Variants in SENP7 observed in about 807,000 individuals in gnomAD.
SENP7 encodes the protein SUMO specific peptidase 7.
In SENP7, 64 loss-of-function variants were observed where a neutral mutation model predicts 141.2. The ratio of observed to expected loss-of-function variants is 0.45; its 90% CI spans 0.37 to 0.56. The LOEUF (loss-of-function observed/expected upper bound fraction) is 0.56. SENP7 is among the 20% of genes least tolerant of loss of function. SENP7 has a pLI of 0.00. For missense variants in SENP7, 1,025 were observed against 1,212.2 expected, an observed-to-expected ratio of 0.85 and a Z score of 2.29; for synonymous variants, 382 against 426.4, an observed-to-expected ratio of 0.90 and a Z score of 1.28.
rs1366716534 is a variant in SENP7 at position 101,494,103 on chromosome 3, TTA to T, written c.91-137_91-136del. ...AGGAGTTTTAAATTCAGTGCTTAATTTATATACAATTAAATATAATTTTATTC... is the reference window on the plus strand; with the variant it reads ...AGGAGTTTTAAATTCAGTGCTTAATTTATACAATTAAATATAATTTTATTC... On this transcript the variant is annotated intron_variant, in intron 2 of 23. Transcript: ENST00000394095. 89 of 433,636 alleles carry T rather than the reference TTA, an allele frequency of 2.1e-4. 1 individual carries two copies. The highest frequency in any genetic ancestry group is 4.5e-5 in the Non-Finnish European group (11 of 242,032). 26.9% of individuals were successfully genotyped at this position (433,636 alleles called of 1,614,324 possible). A position where few individuals can be genotyped will look rare whatever the true frequency, so the allele number is the denominator to read the frequency against.
chr3:101,356,667 C>T (rs1678440986), intron 11 of SENP7, among the ~76,000 whole-genome samples: 1 of 151,934 alleles, frequency 6.6e-6, no homozygotes, highest in African/African-American at 2.4e-5. Flanking sequence ...TTCATATTTA[C>T]TGCATCGGCA....
intron 6 of SENP7, among the ~76,000 whole-genome samples, chr3:101,387,315 C>G (rs2060685991): frequency 6.6e-6 from 1 of 152,154 alleles, no homozygotes; most frequent in African/African-American, 2.4e-5. Flanking sequence ...GCCTACCCCA[C>G]CCACCAACAT....
chr3:101,387,356 A>C (rs1485850963), intron 6 of SENP7, among the ~76,000 whole-genome samples: 1 of 152,028 alleles, frequency 6.6e-6, no homozygotes, highest in Admixed American at 6.5e-5. Context: ...CTGGGGCCTG[A>C]AAACAGGCCC....
intron 3 of SENP7, among the ~76,000 whole-genome samples, chr3:101,468,821 G>A (rs188765042): frequency 1.9e-3 from 293 of 152,086 alleles, no homozygotes; most frequent in Middle Eastern, 6.8e-3. Context: ...AATAACCAGC[G>A]AACATCATAA....
chr3:101,343,859 T>C lies in SENP7; in HGVS notation c.1933A>G (p.Ile645Val). The C allele has an allele frequency of 6.2e-7, 1 of 1,613,658 alleles. No homozygotes were observed. The highest frequency in any genetic ancestry group is 1.1e-5 in the South Asian group (1 of 91,068). Residue 645 changes from isoleucine to valine, a missense_variant, in exon 14 of 24, where the codon ATC (isoleucine) becomes GTC (valine). Coordinates refer to ENST00000394095, the MANE Select transcript of SENP7 (RefSeq NM_020654.5). ...TAAGAAAGCTCTAATTCTCCACTGA[T>C]TATACTTATTTCCGTCATAATATCT... ...LKDIMTEISIISGELELSYPL... is the reference protein window; with the variant it reads ...LKDIMTEISIVSGELELSYPL...
At chr3:101,495,227 T>C (rs2108119401) in intron 2 of SENP7, among the ~76,000 whole-genome samples, 1 of 151,900 alleles carries the variant, frequency 6.6e-6, no homozygotes, top group South Asian at 2.1e-4. Flanking sequence ...TCAGAATGGC[T>C]ATTATTAAAA....
At chr3:101,356,343 A>G (rs1212380653) in intron 11 of SENP7, among the ~76,000 whole-genome samples, 1 of 152,202 alleles carries the variant, frequency 6.6e-6, no homozygotes, top group Admixed American at 6.5e-5. Flanking sequence ...TGCAGCAACA[A>G]TTGATCATAT....
intron 17 of SENP7, among the ~76,000 whole-genome samples, chr3:101,334,807 A>T (rs867128445): frequency 5.9e-5 from 9 of 152,312 alleles, no homozygotes; most frequent in Middle Eastern, 6.8e-3. Context: ...TTTGATTGAG[A>T]ATATATTAGA....
chr3:101,368,048 A>T (rs560049358), intron 7 of SENP7, 37 bp from the exon 8 acceptor site: 2 of 1,502,204 alleles, frequency 1.3e-6, no homozygotes, highest in African/African-American at 2.8e-5. Context: ...TGGACAAAAA[A>T]GTATAGAGAG....
chr3:101,408,649 A>G (rs189683057), intron 5 of SENP7, among the ~76,000 whole-genome samples: 3 of 152,348 alleles, frequency 2.0e-5, no homozygotes, highest in Admixed American at 2.0e-4. Flanking sequence ...AATAAATGTG[A>G]CACACCACAT....
rs764017789 is a variant in SENP7, at chr3:101,330,348, C to G, written c.2737G>C (p.Ala913Pro). The G allele has an allele frequency of 3.7e-6, 6 of 1,606,928 alleles. No homozygotes were observed. The highest frequency in any genetic ancestry group is 5.1e-6 in the Non-Finnish European group (6 of 1,174,138). ...AACACACTTACTTGGGAATCCTCTG[C>G]ACTCAAAGACAGTGTCGAAGTAGTA... The part of the protein sequence containing the change: ...LRTTSTLSLS[A>P]EDSQSTESNM... The change falls in exon 20 of 24, where the codon GCA (alanine) becomes CCA (proline). Residue 913 changes from alanine (A) to proline (P), a missense_variant. By Grantham distance (27) the Ala-to-Pro change is conservative. This residue lies in a region of SENP7 where 295 missense variants were observed against 459.1 expected (regional missense o/e 0.64). Transcript: ENST00000394095.
At chr3:101,389,986 G>A (rs1465902344) in intron 6 of SENP7, among the ~76,000 whole-genome samples, 1 of 152,060 alleles carries the variant, frequency 6.6e-6, no homozygotes, top group African/African-American at 2.4e-5. Context: ...TTGGGAGGCT[G>A]AGGCGGGTGG....
At chr3:101,409,467 T>C (rs1325989975) in intron 5 of SENP7, among the ~76,000 whole-genome samples, 2 of 152,046 alleles carry the variant, frequency 1.3e-5, no homozygotes, top group African/African-American at 4.8e-5. Flanking sequence ...ATCAAAAAAG[T>C]GCCTGAATAC....
At chr3:101,472,963 G>T (rs1393296518) in intron 3 of SENP7, among the ~76,000 whole-genome samples, 4 of 152,088 alleles carry the variant, frequency 2.6e-5, no homozygotes, top group Admixed American at 6.6e-5. Flanking sequence ...CTGTGTCCAT[G>T]TATTCTCATA....
chr3:101,492,005 T>C (rs1001912007), intron 3 of SENP7, among the ~76,000 whole-genome samples: 1 of 151,790 alleles, frequency 6.6e-6, no homozygotes, highest in Non-Finnish European at 1.5e-5. Flanking sequence ...GGCAGGAGAA[T>C]CGCTTGAACC....
At chr3:101,474,504 G>A (rs983629628) in intron 3 of SENP7, among the ~76,000 whole-genome samples, 1 of 152,114 alleles carries the variant, frequency 6.6e-6, no homozygotes, top group Non-Finnish European at 1.5e-5. Context: ...ATATAGGAGT[G>A]CTAGTGATTT....
intron 11 of SENP7, among the ~76,000 whole-genome samples, chr3:101,354,591 TC>T (rs143083667): frequency 0.012 from 1,768 of 152,220 alleles, 12 homozygotes; most frequent in Middle Eastern, 0.017. Context: ...ATGATCTTAT[TC>T]TTTTCCTAGC....
intron 3 of SENP7, among the ~76,000 whole-genome samples, chr3:101,486,795 G>T (rs2064747738): frequency 6.6e-6 from 1 of 152,082 alleles, no homozygotes; most frequent in African/African-American, 2.4e-5. Flanking sequence ...AATGTAAATG[G>T]CCTAAATGCT....
At chr3:101,427,505 A>G (rs2062002671) in intron 4 of SENP7, among the ~76,000 whole-genome samples, 1 of 151,728 alleles carries the variant, frequency 6.6e-6, no homozygotes, top group Non-Finnish European at 1.5e-5. Flanking sequence ...AAAAAAAAAA[A>G]AAAATTTGAT....
Sources: allele counts gnomAD v4.1 joint callset (sites outside exome capture counted in the v4.1 genomes callset), GRCh38; gene constraint gnomAD v4.1.1; regional missense constraint gnomAD v4.1.1; transcripts MANE v1.5; gene names NCBI Gene and HGNC (gene_info 2026-07-23, HGNC 2026-07-21).